RAN: variants seen among roughly 807,000 people sequenced by gnomAD.
The protein encoded by RAN is GTP-binding nuclear protein Ran.
In RAN, 2 loss-of-function variants were observed where a neutral mutation model predicts 26.8. The ratio of observed to expected loss-of-function variants is 0.07; its 90% CI spans 0.03 to 0.23. The LOEUF is 0.23. Among genes scored for constraint, RAN ranks in the 10% least tolerant of loss-of-function variants. RAN has a pLI of 1.00. For synonymous variants in RAN, 132 were observed against 95.9 expected (o/e 1.38, Z -2.20); for missense variants, 56 against 264.8 (o/e 0.21, Z 5.47).
chr12:130,873,353 T>G, intron 4 of RAN: 1 of 505,174 alleles, frequency 2.0e-6, no homozygotes. Context: ...GAAAAAACTA[T>G]GACTTACACT....
At position 130,875,500 on chromosome 12, in the gene RAN, A is replaced by G. The variant is rs143583125; in HGVS notation, c.436-112A>G. The G allele has an allele frequency of 5.7e-4, 563 of 995,694 alleles. 2 individuals are homozygous for G. The African/African-American group carries it at 7.8e-3, about 14-fold the overall frequency. The allele number at this position is 995,694 out of a possible 1,614,324, so 61.7% of individuals were successfully genotyped here. On this transcript the variant is annotated intron_variant, in intron 5 of 6. Coordinates refer to ENST00000543796, the MANE Select transcript of RAN (RefSeq NM_006325.5). ...CGAAAGTGCTGGGATTACAGGCATGAGCCACCATGCCTTGCCAAGAATCTT... is the reference window on the plus strand; with the variant it reads ...CGAAAGTGCTGGGATTACAGGCATGGGCCACCATGCCTTGCCAAGAATCTT...
At chr12:130,873,843 G>A (rs1953187410) in intron 4 of RAN, 1 of 164,052 alleles carries the variant, frequency 6.1e-6, no homozygotes, top group African/African-American at 2.4e-5. Context: ...TCCTGCAGGT[G>A]AATATATAGG....
At chr12:130,875,295 C>T (rs574489628) in intron 5 of RAN, among the ~76,000 whole-genome samples, 2 of 152,168 alleles carry the variant, frequency 1.3e-5, no homozygotes, top group Admixed American at 1.3e-4. Flanking sequence ...GAACATAGCT[C>T]ACTGTAGCCC....
chr12:130,874,461 C>A, intron 4 of RAN, 85 bp from the exon 5 acceptor site: 1 of 1,100,922 alleles, frequency 9.1e-7, no homozygotes, highest in Non-Finnish European at 1.3e-6. Flanking sequence ...AAGACTATAA[C>A]TAGTTGAATC....
In RAN at chr12:130,877,295, T is replaced by C. The variant is rs1565956943; in HGVS notation, c.*1369T>C. ...AAAGGTATAGAAAGGATCACTTAAATATATGGAAAAATGAAATAAGGGTGA... is the reference window on the plus strand; with the variant it reads ...AAAGGTATAGAAAGGATCACTTAAACATATGGAAAAATGAAATAAGGGTGA... On this transcript the variant is annotated 3_prime_UTR_variant, in exon 7 of 7. Transcript: ENST00000543796. 1 of 152,228 alleles carries C rather than the reference T, an allele frequency of 6.6e-6. No individual in the cohort carries two copies. Among genetic ancestry groups the C allele is most frequent in the Admixed American group, 6.5e-5 (1 of 15,272 alleles). The allele number at this position is 152,228 out of a possible 1,614,324, so 9.4% of individuals were successfully genotyped here. A position where few individuals can be genotyped will look rare whatever the true frequency, so the allele number is the denominator to read the frequency against.
chr12:130,872,574 G>A lies in RAN; in HGVS notation c.-10-10G>A. On this transcript the variant is annotated splice_polypyrimidine_tract_variant and intron_variant, in intron 1 of 6. Coordinates refer to ENST00000543796, the MANE Select transcript of RAN (RefSeq NM_006325.5). ...GCGCGAGCGCTCGCCTCCGTCCTCT[G>A]CCTCCGCAGGAACGCCGCGATGGCT... 6.6e-7 allele frequency: 1 copy of A among 1,505,964 alleles called. No homozygotes were observed. The highest frequency in any genetic ancestry group is 1.3e-5 in the South Asian group (1 of 76,770). The allele number at this position is 1,505,964 out of a possible 1,614,324, so 93.3% of individuals were successfully genotyped here.
chr12:130,872,211 C>T (rs992487149), intron 1 of RAN, 85 bp downstream of exon 1: 67 of 155,978 alleles, frequency 4.3e-4, no homozygotes, highest in Non-Finnish European at 9.9e-5. Context: ...GGGCCAGGGC[C>T]GGGGCGGGTG....
intron 4 of RAN, chr12:130,873,360 C>T (rs542869402): frequency 6.2e-6 from 3 of 487,336 alleles, no homozygotes; most frequent in South Asian, 4.4e-5. Context: ...CTATGACTTA[C>T]ACTGGGACTT....
chr12:130,874,457 A>T, intron 4 of RAN, 89 bp from the exon 5 acceptor site: 1 of 1,063,568 alleles, frequency 9.4e-7, no homozygotes, highest in Non-Finnish European at 1.4e-6. Flanking sequence ...GTCTAAGACT[A>T]TAACTAGTTG....
intron 4 of RAN, 48 bp downstream of exon 4, chr12:130,873,176 T>C: frequency 6.2e-7 from 1 of 1,611,646 alleles, no homozygotes; most frequent in East Asian, 2.2e-5. Context: ...TTTTGTGTAC[T>C]TCAGTCTTCA....
chr12:130,872,753 C>G (rs1269401503), intron 2 of RAN, 83 bp from the exon 3 acceptor site: 2 of 1,579,452 alleles, frequency 1.3e-6, no homozygotes, highest in East Asian at 2.2e-5. Context: ...TTAAGTGAGC[C>G]TGTGGTGGTT....
Position 130,876,079 on chromosome 12 carries a change from G to C in RAN, c.*153G>C. On this transcript the variant is annotated 3_prime_UTR_variant, in exon 7 of 7. Coordinates refer to ENST00000543796, the MANE Select transcript of RAN (RefSeq NM_006325.5). ...TGCTGAAGGAGATGAGTGGGCTTCG[G>C]AGTGAATGTGGCAGTTTAAAAAATA... 2.6e-6 allele frequency: 2 copies of C among 761,192 alleles called. No individual in the cohort carries two copies. Among genetic ancestry groups the C allele is most frequent in the South Asian group, 3.5e-5 (2 of 57,646 alleles). The allele number at this position is 761,192 out of a possible 1,614,324, so 47.2% of individuals were successfully genotyped here.
At chr12:130,872,388 G>T (rs7969960) in intron 1 of RAN, 196 bp from the exon 2 acceptor site, 28,988 of 164,562 alleles carry the variant, frequency 0.18, 2,721 homozygotes, top group African/African-American at 0.24. Context: ...TACACCTCCG[G>T]CCGCCGTTCC....
intron 5 of RAN, 66 bp from the exon 6 acceptor site, chr12:130,875,546 T>C (rs1953223789): frequency 2.2e-6 from 3 of 1,364,916 alleles, no homozygotes; most frequent in Middle Eastern, 2.7e-4. Context: ...TATCTTGCAA[T>C]GTCCTAGAAA....
chr12:130,872,193 C>T (rs1953146049), intron 1 of RAN, 67 bp downstream of exon 1: 2 of 160,466 alleles, frequency 1.2e-5, no homozygotes, highest in South Asian at 2.4e-4. Flanking sequence ...GGATAGGGGT[C>T]GGAGCCGGGG....
intron 4 of RAN, 187 bp from the exon 5 acceptor site, chr12:130,874,359 A>T: frequency 1.9e-6 from 1 of 532,058 alleles, no homozygotes; most frequent in Non-Finnish European, 3.3e-6. Context: ...GGGTCAGCTC[A>T]TCTCTCTTAG....
intron 4 of RAN, 59 bp downstream of exon 4, chr12:130,873,187 A>G: frequency 6.2e-7 from 1 of 1,605,000 alleles, no homozygotes; most frequent in Non-Finnish European, 8.5e-7. Flanking sequence ...TCAGTCTTCA[A>G]GGTTATAGAA....
intron 1 of RAN, 54 bp from the exon 2 acceptor site, chr12:130,872,530 C>T (rs1213467262): frequency 1.0e-5 from 13 of 1,288,314 alleles, no homozygotes; most frequent in Middle Eastern, 2.8e-4. Flanking sequence ...GGAGCGGGGC[C>T]GCCATGGGCT....
Position 130,877,486 on chromosome 12 carries a change from G to C in RAN, c.*1560G>C, listed in dbSNP as rs1202112637. 1 of 152,176 alleles carries C rather than the reference G, an allele frequency of 6.6e-6. No individual in the cohort carries two copies. Among genetic ancestry groups the C allele is most frequent in the East Asian group, 1.9e-4 (1 of 5,200 alleles). The allele number at this position is 152,176 out of a possible 1,614,324, so 9.4% of individuals were successfully genotyped here. On this transcript the variant is annotated 3_prime_UTR_variant, in exon 7 of 7. Coordinates refer to ENST00000543796, the MANE Select transcript of RAN (RefSeq NM_006325.5). The stretch of plus-strand genomic sequence containing the variant: ...ATGAAACCTTTCATTCAGGTATTTT[G>C]AATTGAAGGTGTATGTGTTGTTTGT...
Sources: gnomAD v4.1 joint callset for allele counts (sites outside exome capture counted in the v4.1 genomes callset) on GRCh38, gnomAD v4.1.1 for gene constraint, MANE v1.5 for transcripts, NCBI Gene and HGNC (gene_info 2026-07-23, HGNC 2026-07-21) for gene names.